Variants in PXN observed in about 807,000 individuals in gnomAD.
PXN encodes paxillin.
In PXN, 61 loss-of-function variants were observed where a neutral mutation model predicts 103.6. The ratio of observed to expected loss-of-function variants is 0.59; its 90% CI spans 0.48 to 0.73. PXN has a LOEUF of 0.73. PXN is among the 30% of genes least tolerant of loss of function. The probability of loss-of-function intolerance (pLI) is 0.00; values close to 1 mark genes in which losing one functional copy is unlikely to be tolerated. For missense variants in PXN, 1,274 were observed against 1,460.3 expected, an observed-to-expected ratio of 0.87 and a Z score of 2.08; for synonymous variants, 562 against 607.8, an observed-to-expected ratio of 0.92 and a Z score of 1.11.
At chr12:120,227,601 C>T (rs1028872093) in intron 1 of PXN, among the ~76,000 whole-genome samples, 2 of 152,114 alleles carry the variant, frequency 1.3e-5, no homozygotes, top group Non-Finnish European at 2.9e-5. Context: ...CAGAGAAAAA[C>T]CCCAGCAAGT....
rs1882913821 is a variant in PXN, at chr12:120,216,181, T to A, written c.2301+92A>T. The A allele has an allele frequency of 6.3e-6, 8 of 1,274,470 alleles. No homozygotes were observed. The highest frequency in any genetic ancestry group is 1.5e-5 in the African/African-American group (1 of 64,692). The allele number at this position is 1,274,470 out of a possible 1,614,324, so 78.9% of individuals were successfully genotyped here. A position where few individuals can be genotyped will look rare whatever the true frequency, so the allele number is the denominator to read the frequency against. ...GATGGAGGGATGGAGGGTATCTGTG[T>A]ATGTGTGTGTGCACGTGTGTGTGTG... On this transcript the variant is annotated intron_variant, in intron 9 of 14. Coordinates refer to ENST00000637617, the MANE Select transcript of PXN (RefSeq NM_001385981.1). This position sits in a 1 kb window ranked among gnomAD's most constrained non-coding sequence, Gnocchi z 5.1.
At chr12:120,227,098 C>T in intron 1 of PXN, 1 of 986,178 alleles carries the variant, frequency 1.0e-6, no homozygotes, top group Non-Finnish European at 1.2e-6. Context: ...AGAATATGAG[C>T]AAACCATGAA....
At chr12:120,250,553 C>A (rs1487540385) in intron 1 of PXN, among the ~76,000 whole-genome samples, 2 of 152,172 alleles carry the variant, frequency 1.3e-5, no homozygotes, top group Non-Finnish European at 2.9e-5. Flanking sequence ...GCAGCTCTCA[C>A]TAATATTAGT....
chr12:120,214,745 C>T lies in PXN; in HGVS notation c.2748+80G>A, dbSNP rs191374657. On this transcript the variant is annotated intron_variant, in intron 12 of 14. Coordinates refer to ENST00000637617, the MANE Select transcript of PXN (RefSeq NM_001385981.1). The surrounding 1 kb of genome is among the most constrained non-coding windows in gnomAD (Gnocchi z 5.0). ...GCATGTGACCTCTCTGAGCCTCCCA[C>T]GGCACCCCCTGCATCCTCAGAGGGC... The T allele has an allele frequency of 8.1e-5, 126 of 1,557,690 alleles. 3 individuals carry two copies. In the South Asian group the frequency reaches 1.1e-3, roughly 13 times the overall value.
At chr12:120,243,200 T>C (rs911414917) in intron 1 of PXN, among the ~76,000 whole-genome samples, 3 of 152,130 alleles carry the variant, frequency 2.0e-5, no homozygotes, top group African/African-American at 7.2e-5. Context: ...TCCTTTCTAA[T>C]CCCTTGAGAC....
At chr12:120,252,302 T>C (rs757102516) in intron 1 of PXN, among the ~76,000 whole-genome samples, 1 of 152,204 alleles carries the variant, frequency 6.6e-6, no homozygotes, top group Non-Finnish European at 1.5e-5. Flanking sequence ...ATAAAATCCC[T>C]GTCTTCAAAG....
chr12:120,212,916 C>T lies in PXN; in HGVS notation c.2980-336G>A. 1 of 223,392 alleles carries T rather than the reference C, an allele frequency of 4.5e-6. No homozygotes were observed. The highest frequency in any genetic ancestry group is 8.9e-6 in the Non-Finnish European group (1 of 111,958). 13.8% of individuals were successfully genotyped at this position (223,392 alleles called of 1,614,324 possible). A position where few individuals can be genotyped will look rare whatever the true frequency, so the allele number is the denominator to read the frequency against. ...ACAGGTGAAGTAACTTGCCCAGGGT[C>T]ATGCAGCTACTGAGGTCACAGCCTG... On this transcript the variant is annotated intron_variant, in intron 14 of 14. Coordinates refer to ENST00000637617, the MANE Select transcript of PXN (RefSeq NM_001385981.1). The surrounding 1 kb of genome is among the most constrained non-coding windows in gnomAD (Gnocchi z 7.2).
Position 120,221,527 on chromosome 12 carries a change from T to G in PXN, c.831+96A>C. 1 of 1,358,326 alleles carries G rather than the reference T, an allele frequency of 7.4e-7. No homozygotes were observed. Among genetic ancestry groups the G allele is most frequent in the Non-Finnish European group, 9.9e-7 (1 of 1,009,724 alleles). The allele number at this position is 1,358,326 out of a possible 1,614,324, so 84.1% of individuals were successfully genotyped here. A position where few individuals can be genotyped will look rare whatever the true frequency, so the allele number is the denominator to read the frequency against. ...GCTCAGGGGCAAGGCACCCAAACAC[T>G]GAGATGCCAAGATCCAGCTACCCAC... On this transcript the variant is annotated intron_variant, in intron 6 of 14. Coordinates refer to ENST00000637617, the MANE Select transcript of PXN (RefSeq NM_001385981.1). The surrounding 1 kb of genome is among the most constrained non-coding windows in gnomAD (Gnocchi z 6.6).
intron 1 of PXN, among the ~76,000 whole-genome samples, chr12:120,260,204 T>C (rs552614100): frequency 3.9e-5 from 6 of 152,236 alleles, no homozygotes; most frequent in African/African-American, 1.4e-4. Context: ...ATCCTGAGTG[T>C]GTGTCCCCAA....
intron 1 of PXN, among the ~76,000 whole-genome samples, chr12:120,259,989 G>A (rs976576148): frequency 6.6e-6 from 1 of 152,170 alleles, no homozygotes; most frequent in Non-Finnish European, 1.5e-5. Context: ...GTGCAGCGGG[G>A]CTGGGGGCAC....
rs1210483723 is a variant in PXN, at chr12:120,224,092, G to C, written c.240+59C>G. On this transcript the variant is annotated intron_variant, in intron 2 of 14. Transcript: ENST00000637617. The surrounding 1 kb of genome is among the most constrained non-coding windows in gnomAD (Gnocchi z 5.0). ...CCCCTGGCTCCCTAAGCCCCTGCCA[G>C]CTAAGTTCCCTCTGTCCCCCAGCCT... 7.3e-7 allele frequency: 1 copy of C among 1,367,142 alleles called. No homozygotes were observed. The highest frequency in any genetic ancestry group is 9.9e-7 in the Non-Finnish European group (1 of 1,006,948). The allele number at this position is 1,367,142 out of a possible 1,614,324, so 84.7% of individuals were successfully genotyped here. A position where few individuals can be genotyped will look rare whatever the true frequency, so the allele number is the denominator to read the frequency against.
At position 120,243,313 on chromosome 12, in the gene PXN, T is replaced by G. The variant is rs578239299; in HGVS notation, c.14-18936A>C. On this transcript the variant is annotated intron_variant, in intron 1 of 14. Transcript: ENST00000637617. Reference sequence around the variant, plus strand: ...GTTGCTTTTCTGCTGGGAAGGTCTCTTTCCAAAATCTTATTACAGAATGAC... The same window carrying G: ...GTTGCTTTTCTGCTGGGAAGGTCTCGTTCCAAAATCTTATTACAGAATGAC... Among the ~76,000 whole-genome samples, 21 of 152,328 alleles carry G rather than the reference T, an allele frequency of 1.4e-4. 1 individual carries two copies. Among genetic ancestry groups the G allele is most frequent in the Admixed American group, 7.2e-4 (11 of 15,300 alleles).
At chr12:120,250,074 G>A in intron 1 of PXN, 1 of 985,602 alleles carries the variant, frequency 1.0e-6, no homozygotes, top group Non-Finnish European at 1.2e-6. Flanking sequence ...CCACCCCAGA[G>A]GAGCCCATCC....
intron 1 of PXN, among the ~76,000 whole-genome samples, chr12:120,230,389 A>G (rs1370839706): frequency 6.6e-6 from 1 of 152,174 alleles, no homozygotes; most frequent in Non-Finnish European, 1.5e-5. Flanking sequence ...TGGACAAGGG[A>G]GGTTCCCAAC....
Position 120,211,773 on chromosome 12 carries a change from G to C in PXN, c.*541C>G, listed in dbSNP as rs188310937. 2.3e-4 allele frequency: 90 copies of C among 387,806 alleles called. No homozygotes were observed. Among genetic ancestry groups the C allele is most frequent in the African/African-American group, 1.7e-3 (83 of 47,812 alleles). 24.0% of individuals were successfully genotyped at this position (387,806 alleles called of 1,614,324 possible). On this transcript the variant is annotated 3_prime_UTR_variant, in exon 15 of 15. Transcript: ENST00000637617. The stretch of plus-strand genomic sequence containing the variant: ...CCAGGCCTAGGGCACTGGAAGGGTA[G>C]GAGGAGCACAGAGAACCTTCCATGG...
In PXN at chr12:120,215,148, G is replaced by A. The variant is rs778385102; in HGVS notation, c.2529C>T (p.Val843=). The change falls in exon 11 of 15, where the codon GTC becomes GTT. Residue 843 remains valine (V), a synonymous_variant. Coordinates refer to ENST00000637617, the MANE Select transcript of PXN (RefSeq NM_001385981.1). The surrounding 1 kb of genome is among the most constrained non-coding windows in gnomAD (Gnocchi z 4.9). Reference sequence around the variant, plus strand: ...TGCAGGCCCCGCAGACTCCTTTGGCGACTGTGGCGACCCCCAGCTTGTTCA... The same window carrying A: ...TGCAGGCCCCGCAGACTCCTTTGGCAACTGTGGCGACCCCCAGCTTGTTCA... ...SDLNKLGVAT[V]AKGVCGACKK... The A allele has an allele frequency of 8.9e-6, 14 of 1,570,994 alleles. No individual in the cohort carries two copies. The highest frequency in any genetic ancestry group is 5.4e-5 in the Admixed American group (3 of 55,958).
At position 120,214,136 on chromosome 12, in the gene PXN, C is replaced by T; in HGVS notation, c.2830G>A (p.Gly944Arg). 1.3e-6 allele frequency: 2 copies of T among 1,553,014 alleles called. No homozygotes were observed. The highest frequency in any genetic ancestry group is 1.7e-6 in the Non-Finnish European group (2 of 1,147,964). ...GTCAGTCCGCCGGTCCAGCCCGTAC[C>T]TTCGGGACCAAAGAAGGCTCCACAC... ...AQCGAFFGPE[G>R]FHEKDGKAYC... Residue 944 changes from glycine to arginine, a missense_variant and splice_region_variant, in exon 13 of 15, where the codon GGG becomes AGG. This residue lies in a region of PXN where 1,178 missense variants were observed against 1,309.0 expected (regional missense o/e 0.90). Coordinates refer to ENST00000637617, the MANE Select transcript of PXN (RefSeq NM_001385981.1). This position sits in a 1 kb window ranked among gnomAD's most constrained non-coding sequence, Gnocchi z 5.0.
At position 120,220,167 on chromosome 12, in the gene PXN, G is replaced by A. The variant is rs184071774; in HGVS notation, c.832-76C>T. The A allele has an allele frequency of 1.7e-4, 108 of 631,802 alleles. 1 individual carries two copies. Among genetic ancestry groups the A allele is most frequent in the Admixed American group, 9.1e-4 (30 of 33,116 alleles). 39.1% of individuals were successfully genotyped at this position (631,802 alleles called of 1,614,324 possible). A position where few individuals can be genotyped will look rare whatever the true frequency, so the allele number is the denominator to read the frequency against. On this transcript the variant is annotated intron_variant, in intron 6 of 14. Transcript: ENST00000637617. This position sits in a 1 kb window ranked among gnomAD's most constrained non-coding sequence, Gnocchi z 6.1. ...GTGAGGACGGCTGCACCTTGCAGGCGGTGGGCTCGGCCTTAGGGCTGACCA... is the reference window on the plus strand; with the variant it reads ...GTGAGGACGGCTGCACCTTGCAGGCAGTGGGCTCGGCCTTAGGGCTGACCA...
chr12:120,225,204 T>C lies in PXN; in HGVS notation c.14-827A>G, dbSNP rs1372413967. 1 of 166,652 alleles carries C rather than the reference T, an allele frequency of 6.0e-6. No homozygotes were observed. Among genetic ancestry groups the C allele is most frequent in the Non-Finnish European group, 1.3e-5 (1 of 78,994 alleles). 10.3% of individuals were successfully genotyped at this position (166,652 alleles called of 1,614,324 possible). On this transcript the variant is annotated intron_variant, in intron 1 of 14. Coordinates refer to ENST00000637617, the MANE Select transcript of PXN (RefSeq NM_001385981.1). The surrounding 1 kb of genome is among the most constrained non-coding windows in gnomAD (Gnocchi z 4.4). ...CCCCAGTCTCCAGAAAAGAAGGGTA[T>C]AGAAGGGCAGGAGTAGGACCTGCTG...
Sources: gnomAD v4.1 joint callset for allele counts (sites outside exome capture counted in the v4.1 genomes callset) on GRCh38, gnomAD v4.1.1 for gene constraint, gnomAD v4.1.1 regional missense constraint, Gnocchi (gnomAD v3.1) non-coding constraint, MANE v1.5 for transcripts, NCBI Gene and HGNC (gene_info 2026-07-23, HGNC 2026-07-21) for gene names.